Variants in CCDC141 observed in about 807,000 individuals in gnomAD.
CCDC141 encodes coiled-coil domain-containing protein 141.
CCDC141 carries 168 observed loss-of-function variants against 181.0 expected under a neutral mutation model. The observed-to-expected ratio is 0.93, with a 90% confidence interval of 0.82 to 1.05. The LOEUF is 1.05. CCDC141 is among the 50% of genes least tolerant of loss of function. The probability of loss-of-function intolerance (pLI) is 0.00; values close to 1 mark genes in which losing one functional copy is unlikely to be tolerated. For synonymous variants in CCDC141, 666 were observed against 642.3 expected (o/e 1.04, Z -0.56); for missense variants, 1,902 against 1,788.5 (o/e 1.06, Z -1.14).
At chr2:178,964,664 C>T (rs1216700971) in intron 4 of CCDC141, among the ~76,000 whole-genome samples, 2 of 152,142 alleles carry the variant, frequency 1.3e-5, no homozygotes, top group Admixed American at 6.5e-5. Flanking sequence ...CTGCCAGTTC[C>T]CTTGGTCTTT....
At chr2:178,876,384 A>G (rs537216225) in intron 12 of CCDC141, 3 of 152,356 alleles carry the variant, frequency 2.0e-5, no homozygotes, top group African/African-American at 7.2e-5. Context: ...CACACTGAAA[A>G]TCAGTGCAAT....
At chr2:178,817,125 C>A in the CCDC141 span, among the ~76,000 whole-genome samples, 1 of 152,150 alleles carries the variant, frequency 6.6e-6, no homozygotes, top group African/African-American at 2.4e-5. Flanking sequence ...AACAGGATAA[C>A]CTCCACAAAA....
rs902098113 is a variant in CCDC141 at position 178,878,095 on chromosome 2, G to C, written c.1768C>G (p.Pro590Ala). 2.5e-6 allele frequency: 4 copies of C among 1,607,818 alleles called. No homozygotes were observed. The highest frequency in any genetic ancestry group is 3.4e-6 in the Non-Finnish European group (4 of 1,178,548). ...SLKEFYETEIPQKEQDDAKAK... is the reference protein window; with the variant it reads ...SLKEFYETEIAQKEQDDAKAK... ...TTAGCATCATCCTGCTCCTTCTGAG[G>C]GATTTCGGTTTCATAAAATTCTTTT... is the stretch of plus-strand genomic sequence containing the variant. Residue 590 changes from proline (P) to alanine (A), a missense_variant, in exon 12 of 24, where the codon CCT becomes GCT. Transcript: ENST00000443758.
Position 178,837,210 on chromosome 2 carries a change from G to C in CCDC141, c.4009C>G (p.Gln1337Glu). 6.2e-7 allele frequency: 1 copy of C among 1,613,992 alleles called. No homozygotes were observed. Among genetic ancestry groups the C allele is most frequent in the Admixed American group, 1.7e-5 (1 of 60,014 alleles). Residue 1337 changes from glutamine to glutamate, a missense_variant, in exon 23 of 24, where the codon CAG becomes GAG. Physicochemically the swap from Gln to Glu is conservative, Grantham distance 29. Transcript: ENST00000443758. ...VHERALQQHPQAQGGLLETRE... is the reference protein window; with the variant it reads ...VHERALQQHPEAQGGLLETRE... ...GTTTCTAGCAAACCACCCTGAGCCT[G>C]AGGGTGCTGCTGTAAAGCTCTCTCA...
In CCDC141 at chr2:178,918,692, T is replaced by A. The variant is rs750089958; in HGVS notation, c.1092+21A>T. On this transcript the variant is annotated intron_variant, in intron 7 of 23. Transcript: ENST00000443758. ...TGGTCTGCCTGATTACCGAAAATTA[T>A]CAACTTGACCTCACACTGACCTTGT... 13 of 1,541,786 alleles carry A rather than the reference T, an allele frequency of 8.4e-6. No homozygotes were observed. In the South Asian group the frequency reaches 1.6e-4, roughly 19 times the overall value.
chr2:178,941,603 C>A (rs180776792), intron 6 of CCDC141, among the ~76,000 whole-genome samples: 1 of 151,984 alleles, frequency 6.6e-6, no homozygotes, highest in Non-Finnish European at 1.5e-5. Flanking sequence ...GGAAAGAATG[C>A]TTCACATAAA....
At chr2:178,997,041 G>A (rs1280335311) in intron 2 of CCDC141, among the ~76,000 whole-genome samples, 1 of 152,176 alleles carries the variant, frequency 6.6e-6, no homozygotes, top group Non-Finnish European at 1.5e-5. Context: ...GATATTTCTA[G>A]CAAATCCAAA....
chr2:178,898,469 T>C (rs1687520020), intron 8 of CCDC141, among the ~76,000 whole-genome samples: 1 of 152,190 alleles, frequency 6.6e-6, no homozygotes, highest in Non-Finnish European at 1.5e-5. Context: ...TGTTATTACA[T>C]ACACTTGTAA....
rs557338482 is a variant in CCDC141 at position 178,997,540 on chromosome 2, T to C, written c.226-18865A>G. Among the ~76,000 whole-genome samples, 140 of 152,268 alleles carry C rather than the reference T, an allele frequency of 9.2e-4. 4 individuals carry two copies. The South Asian group carries it at 0.028, about 31-fold the overall frequency. ...GACACAGAGGCCTAAGTTGTCTCACTCACATTTACAGCTCCAGCACCTGTC... is the reference window on the plus strand; with the variant it reads ...GACACAGAGGCCTAAGTTGTCTCACCCACATTTACAGCTCCAGCACCTGTC... On this transcript the variant is annotated intron_variant, in intron 2 of 23. Transcript: ENST00000443758.
intron 17 of CCDC141, among the ~76,000 whole-genome samples, chr2:178,857,173 T>C (rs1196012524): frequency 1.3e-5 from 2 of 152,138 alleles, no homozygotes; most frequent in Non-Finnish European, 2.9e-5. Context: ...CTCTCTATCT[T>C]TTAATACTCT....
chr2:178,840,200 G>A (rs1057236586), intron 22 of CCDC141, among the ~76,000 whole-genome samples: 5 of 152,026 alleles, frequency 3.3e-5, no homozygotes, highest in Admixed American at 1.3e-4. Flanking sequence ...ACACTCTCAG[G>A]TCTTCTTTTG....
intron 21 of CCDC141, among the ~76,000 whole-genome samples, chr2:178,846,493 T>C (rs1042986108): frequency 2.6e-5 from 4 of 152,178 alleles, no homozygotes; most frequent in Non-Finnish European, 5.9e-5. Context: ...CAAACATGCA[T>C]GCTCATCAAA....
At chr2:179,030,209 C>T (rs183963820) in intron 2 of CCDC141, among the ~76,000 whole-genome samples, 1 of 151,802 alleles carries the variant, frequency 6.6e-6, no homozygotes, top group Non-Finnish European at 1.5e-5. Context: ...AAATTAATAC[C>T]AAAAACAATT....
intron 6 of CCDC141, among the ~76,000 whole-genome samples, chr2:178,940,928 C>T (rs1689483966): frequency 6.6e-6 from 1 of 152,212 alleles, no homozygotes; most frequent in Non-Finnish European, 1.5e-5. Flanking sequence ...ATCTCCTTTA[C>T]AGGATTTGAA....
At chr2:179,001,495 T>C (rs2041976757) in intron 2 of CCDC141, among the ~76,000 whole-genome samples, 1 of 152,118 alleles carries the variant, frequency 6.6e-6, no homozygotes, top group Admixed American at 6.5e-5. Context: ...GCAGCATTTG[T>C]GGAAGGTAAG....
At chr2:179,049,093 G>A (rs1301981588) in intron 1 of CCDC141, among the ~76,000 whole-genome samples, 1 of 152,066 alleles carries the variant, frequency 6.6e-6, no homozygotes, top group Non-Finnish European at 1.5e-5. Context: ...TTTTTTTACA[G>A]GGCATTTCCA....
chr2:179,023,491 A>G (rs2154385996), intron 2 of CCDC141, among the ~76,000 whole-genome samples: 1 of 152,334 alleles, frequency 6.6e-6, no homozygotes, highest in South Asian at 2.1e-4. Flanking sequence ...CATTTAAAAC[A>G]TTTAAAATAT....
intron 4 of CCDC141, among the ~76,000 whole-genome samples, chr2:178,964,264 A>G (rs1205825362): frequency 4.0e-5 from 6 of 150,990 alleles, no homozygotes; most frequent in East Asian, 1.9e-4. Flanking sequence ...CTACACGCAA[A>G]CACACACACA....
chr2:179,006,855 C>T (rs917478371), intron 2 of CCDC141, among the ~76,000 whole-genome samples: 14 of 152,098 alleles, frequency 9.2e-5, no homozygotes, highest in Non-Finnish European at 1.5e-5. Flanking sequence ...AATTAAGCCA[C>T]CTATTGATTT....
Sources: gnomAD v4.1 joint callset for allele counts (sites outside exome capture counted in the v4.1 genomes callset) on GRCh38, gnomAD v4.1.1 for gene constraint, MANE v1.5 for transcripts, NCBI Gene and HGNC (gene_info 2026-07-23, HGNC 2026-07-21) for gene names.